CHN2: variants seen among roughly 807,000 people sequenced by gnomAD.
CHN2 encodes the protein beta-chimaerin.
In CHN2, 35 loss-of-function variants were observed where a neutral mutation model predicts 56.3. That is an observed-to-expected ratio of 0.62 (90% confidence interval 0.47 to 0.82). The LOEUF is 0.82. CHN2 is among the 40% of genes least tolerant of loss of function. The probability of loss-of-function intolerance (pLI) is 0.00; values close to 1 mark genes in which losing one functional copy is unlikely to be tolerated. For synonymous variants in CHN2, 210 were observed against 212.8 expected (o/e 0.99, Z 0.12); for missense variants, 491 against 580.5 (o/e 0.85, Z 1.58).
At chr7:29,333,787 T>A (rs1327028070) in intron 1 of CHN2, among the ~76,000 whole-genome samples, 1 of 152,146 alleles carries the variant, frequency 6.6e-6, no homozygotes, top group Non-Finnish European at 1.5e-5. Flanking sequence ...AACCAGTGGC[T>A]GCCGGAAGCA....
chr7:29,301,356 C>CAA (rs555334394), intron 1 of CHN2, among the ~76,000 whole-genome samples: 417 of 146,998 alleles, frequency 2.8e-3, no homozygotes, highest in Admixed American at 4.8e-3. Context: ...CACACACACA[C>CAA]ACACACACAC....
At chr7:29,438,123 G>C (rs1783377105) in intron 6 of CHN2, among the ~76,000 whole-genome samples, 1 of 152,226 alleles carries the variant, frequency 6.6e-6, no homozygotes, top group Non-Finnish European at 1.5e-5. Flanking sequence ...AAAAAGGACA[G>C]TCAATGAAGG....
intron 1 of CHN2, among the ~76,000 whole-genome samples, chr7:29,323,541 A>G (rs898997008): frequency 6.6e-6 from 1 of 152,172 alleles, no homozygotes; most frequent in Non-Finnish European, 1.5e-5. Context: ...TGTAGTAAAT[A>G]AAGTGCTTAA....
chr7:29,391,927 A>G (rs539039680), intron 3 of CHN2, among the ~76,000 whole-genome samples: 188 of 152,236 alleles, frequency 1.2e-3, no homozygotes, highest in Non-Finnish European at 1.6e-3. Context: ...CTGCATGCCA[A>G]GAGTTAGTAG....
intron 2 of CHN2, among the ~76,000 whole-genome samples, chr7:29,182,473 A>G (rs944053975): frequency 1.3e-5 from 2 of 152,210 alleles, no homozygotes; most frequent in African/African-American, 4.8e-5. Context: ...TTCTTCAGAC[A>G]TTTTCATAAG....
At chr7:29,228,514 C>A (rs980696578) in intron 1 of CHN2, among the ~76,000 whole-genome samples, 1 of 152,132 alleles carries the variant, frequency 6.6e-6, no homozygotes, top group Non-Finnish European at 1.5e-5. Context: ...TCAGAACATA[C>A]CCTGTGAGTT....
chr7:29,311,802 T>G (rs1339118945), intron 1 of CHN2, among the ~76,000 whole-genome samples: 3 of 152,226 alleles, frequency 2.0e-5, no homozygotes, highest in Non-Finnish European at 4.4e-5. Context: ...GCAACGAGTA[T>G]TTACTCAGCA....
At chr7:29,427,152 T>C (rs1804946945) in intron 6 of CHN2, among the ~76,000 whole-genome samples, 4 of 152,156 alleles carry the variant, frequency 2.6e-5, no homozygotes, top group African/African-American at 9.7e-5. Context: ...GCTGTTTCTC[T>C]ACTAAAAATA....
intron 1 of CHN2, among the ~76,000 whole-genome samples, chr7:29,313,615 T>G (rs1794745126): frequency 6.6e-6 from 1 of 152,156 alleles, no homozygotes; most frequent in Admixed American, 6.5e-5. Context: ...AGATACAGTA[T>G]TTGACCAACC....
chr7:29,267,404 G>A (rs1651535034), intron 1 of CHN2, among the ~76,000 whole-genome samples: 1 of 151,802 alleles, frequency 6.6e-6, no homozygotes, highest in African/African-American at 2.4e-5. Context: ...CACCACACCT[G>A]GCTAATTTTT....
chr7:29,374,311 A>C (rs1028880997), intron 3 of CHN2, among the ~76,000 whole-genome samples: 1 of 152,176 alleles, frequency 6.6e-6, no homozygotes, highest in Admixed American at 6.5e-5. Context: ...TACAGGGGAA[A>C]AATCTAGTAA....
At chr7:29,263,547 GC>G (rs1366442848) in intron 1 of CHN2, among the ~76,000 whole-genome samples, 1 of 151,648 alleles carries the variant, frequency 6.6e-6, no homozygotes, top group Non-Finnish European at 1.5e-5. Context: ...AGTGAGGAGC[GC>G]CTCTTTCCAG....
intron 6 of CHN2, among the ~76,000 whole-genome samples, chr7:29,450,529 G>A (rs1784334731): frequency 6.6e-6 from 1 of 152,180 alleles, no homozygotes; most frequent in African/African-American, 2.4e-5. Context: ...CAGCCACAAG[G>A]CCAGGCATGC....
chr7:29,457,550 T>C (rs1178065292), intron 6 of CHN2, among the ~76,000 whole-genome samples: 1 of 152,176 alleles, frequency 6.6e-6, no homozygotes, highest in Non-Finnish European at 1.5e-5. Flanking sequence ...ATATTCCTAC[T>C]CATTAAGTTA....
intron 1 of CHN2, among the ~76,000 whole-genome samples, chr7:29,315,014 A>C (rs1397557505): frequency 6.6e-6 from 1 of 152,184 alleles, no homozygotes; most frequent in Non-Finnish European, 1.5e-5. Context: ...CTCAATGTAG[A>C]AGAGTTAACC....
chr7:29,400,451 T>C, intron 5 of CHN2, 92 bp from the exon 6 acceptor site: 5 of 1,282,460 alleles, frequency 3.9e-6, no homozygotes, highest in Non-Finnish European at 5.5e-6. Flanking sequence ...TGGGATACAC[T>C]AAGTATTCAA....
intron 6 of CHN2, among the ~76,000 whole-genome samples, chr7:29,413,664 A>G (rs1430122370): frequency 6.6e-6 from 1 of 152,186 alleles, no homozygotes; most frequent in Non-Finnish European, 1.5e-5. Flanking sequence ...AAGCCAGGCG[A>G]TTTGCCCAGG....
chr7:29,271,612 A>C (rs2128847518), intron 1 of CHN2, among the ~76,000 whole-genome samples: 1 of 152,356 alleles, frequency 6.6e-6, no homozygotes, highest in Non-Finnish European at 1.5e-5. Flanking sequence ...ATTGAGGTTA[A>C]GAAATAACAC....
At chr7:29,491,545 A>G (rs1013620849) in intron 7 of CHN2, among the ~76,000 whole-genome samples, 1 of 152,062 alleles carries the variant, frequency 6.6e-6, no homozygotes, top group Non-Finnish European at 1.5e-5. Flanking sequence ...AGTAGCTAGG[A>G]CTACAGGCAT....
Sources: gnomAD v4.1 joint callset for allele counts (sites outside exome capture counted in the v4.1 genomes callset) on GRCh38, gnomAD v4.1.1 for gene constraint, MANE v1.5 for transcripts, NCBI Gene and HGNC (gene_info 2026-07-23, HGNC 2026-07-21) for gene names.